AMPH: variants seen among roughly 807,000 people sequenced by gnomAD.
AMPH encodes amphiphysin (Stiff-Mann syndrome with breast cancer 128kD autoantigen).
AMPH carries 49 observed loss-of-function variants against 99.1 expected under a neutral mutation model. The observed-to-expected ratio is 0.49, with a 90% CI of 0.39 to 0.63. The LOEUF is 0.63. Ranked by LOEUF, AMPH falls within the 20% of genes least tolerant of loss-of-function variation. The probability of loss-of-function intolerance (pLI) is 0.00; values close to 1 mark genes in which losing one functional copy is unlikely to be tolerated. For synonymous variants in AMPH, 314 were observed against 317.3 expected (o/e 0.99, Z 0.11); for missense variants, 759 against 863.4 (o/e 0.88, Z 1.52).
chr7:38,391,814 C>T lies in AMPH; in HGVS notation c.1812G>A (p.Gly604=), dbSNP rs55969455. The change falls in exon 19 of 21, where the codon GGG becomes GGA. Residue 604 remains glycine (G), a synonymous_variant. Coordinates refer to ENST00000356264, the MANE Select transcript of AMPH (RefSeq NM_001635.4). ...TTGCAGATGCTAGCTGGTCAGCAGC[C>T]CCCATGGCTGGTGCAGAAGGCGTGG... ...PQPTPSAPAM[G]AADQLASARE... 24,463 of 1,613,852 alleles carry T rather than the reference C, an allele frequency of 0.015. 225 individuals carry two copies. The highest frequency in any genetic ancestry group is 0.018 in the Non-Finnish European group (21,568 of 1,179,974).
intron 1 of AMPH, among the ~76,000 whole-genome samples, chr7:38,623,986 A>T (rs1224769178): frequency 6.6e-6 from 1 of 152,194 alleles, no homozygotes; most frequent in Admixed American, 6.5e-5. Context: ...CATTCCCACC[A>T]TGTATAGAAT....
At chr7:38,428,942 C>T in intron 14 of AMPH, 1 of 1,171,706 alleles carries the variant, frequency 8.5e-7, no homozygotes, top group Non-Finnish European at 1.1e-6. Flanking sequence ...TATGGTCTTC[C>T]TTTCCTATGG....
At chr7:38,501,362 T>C (rs1030235711) in intron 3 of AMPH, among the ~76,000 whole-genome samples, 1 of 152,112 alleles carries the variant, frequency 6.6e-6, no homozygotes, top group Non-Finnish European at 1.5e-5. Context: ...GACTAATTTT[T>C]GTATTTTCAG....
intron 1 of AMPH, among the ~76,000 whole-genome samples, chr7:38,621,945 T>G (rs750993398): frequency 6.6e-6 from 1 of 152,214 alleles, no homozygotes; most frequent in African/African-American, 2.4e-5. Context: ...AGAATGATGT[T>G]TCAGCATTTC....
chr7:38,448,318 A>C (rs1178029664), intron 11 of AMPH, among the ~76,000 whole-genome samples: 1 of 152,210 alleles, frequency 6.6e-6, no homozygotes, highest in East Asian at 1.9e-4. Flanking sequence ...TATTTGTTCC[A>C]CAAAGTTTAT....
At chr7:38,610,260 A>AAAAG (rs1359407169) in intron 1 of AMPH, among the ~76,000 whole-genome samples, 5 of 11,112 alleles carry the variant, frequency 4.5e-4, no homozygotes, top group East Asian at 1.4e-3. Context: ...AAAAAAAAAA[A>AAAAG]AAAGAAAGAA....
chr7:38,408,198 G>A (rs745889890), intron 17 of AMPH, among the ~76,000 whole-genome samples: 7 of 152,120 alleles, frequency 4.6e-5, no homozygotes, highest in African/African-American at 9.7e-5. Context: ...GGAGTTCCAC[G>A]GAAATTCTGA....
intron 14 of AMPH, 85 bp downstream of exon 14, chr7:38,429,757 A>C (rs768675343): frequency 1.4e-6 from 2 of 1,439,422 alleles, no homozygotes; most frequent in African/African-American, 1.4e-5. Context: ...TGCCATGGGG[A>C]AACAGTTCAT....
At chr7:38,571,583 G>T (rs1792040391) in intron 1 of AMPH, among the ~76,000 whole-genome samples, 2 of 142,234 alleles carry the variant, frequency 1.4e-5, no homozygotes, top group African/African-American at 2.6e-5. Flanking sequence ...TTTAAAACTA[G>T]AAAAAAGCTT....
intron 1 of AMPH, among the ~76,000 whole-genome samples, chr7:38,554,721 A>G (rs1041303831): frequency 1.3e-5 from 2 of 152,252 alleles, no homozygotes; most frequent in African/African-American, 4.8e-5. Context: ...TTGCTGAGCT[A>G]GCAGAAAGTC....
rs1463736055 is a variant in AMPH at position 38,470,707 on chromosome 7, T to G, written c.591-4459A>C. ...TCATTACCACCCATATGGTAATGAC[T>G]CCCAAACCTCTCTTCAAGCTTTAGA... On this transcript the variant is annotated intron_variant, in intron 7 of 20. Coordinates refer to ENST00000356264, the MANE Select transcript of AMPH (RefSeq NM_001635.4). 2.0e-5 allele frequency among the ~76,000 whole-genome samples: 3 copies of G among 152,192 alleles called. No individual in the cohort carries two copies. The East Asian group carries it at 5.8e-4, about 29-fold the overall frequency.
chr7:38,464,060 T>A (rs752157467), intron 9 of AMPH: 1 of 1,289,648 alleles, frequency 7.8e-7, no homozygotes, highest in East Asian at 5.5e-5. Flanking sequence ...CAATCTAAGC[T>A]TAATAGAGAT....
rs17171345 is a variant in AMPH at position 38,436,278 on chromosome 7, C to G, written c.1128G>C (p.Met376Ile). 8,071 of 1,613,478 alleles carry G rather than the reference C, an allele frequency of 5.0e-3. 340 individuals carry two copies. In the African/African-American group the frequency reaches 0.091, roughly 18 times the overall value. Residue 376 changes from methionine (M) to isoleucine (I), a missense_variant, in exon 12 of 21, where the codon ATG becomes ATC. By Grantham distance (10) the Met-to-Ile change is conservative. This residue lies in a region of AMPH where 554 missense variants were observed against 575.6 expected (regional missense o/e 0.96). Coordinates refer to ENST00000356264, the MANE Select transcript of AMPH (RefSeq NM_001635.4). ...AGSAGVTHSP[M>I]SQTLPWDLWT... Reference sequence around the variant, plus strand: ...TCCAAAAAGCACCTGATACCTGAGACATGGGTGAGTGGGTCACTCCAGCAG... The same window carrying G: ...TCCAAAAAGCACCTGATACCTGAGAGATGGGTGAGTGGGTCACTCCAGCAG...
intron 1 of AMPH, among the ~76,000 whole-genome samples, chr7:38,578,934 G>T (rs1237306878): frequency 6.6e-6 from 1 of 152,008 alleles, no homozygotes; most frequent in Non-Finnish European, 1.5e-5. Context: ...ATTTACTTCT[G>T]CTTTGAATCT....
chr7:38,419,885 TAAAATGCAAAA>T (rs1261857803), intron 16 of AMPH, among the ~76,000 whole-genome samples: 1 of 152,176 alleles, frequency 6.6e-6, no homozygotes, highest in African/African-American at 2.4e-5. Flanking sequence ...AAAGATATCT[TAAAATGCAAAA>T]AATATTTGCA....
At chr7:38,500,552 CTA>C (rs1789097603) in intron 3 of AMPH, among the ~76,000 whole-genome samples, 1 of 152,256 alleles carries the variant, frequency 6.6e-6, no homozygotes, top group Admixed American at 6.5e-5. Flanking sequence ...ATGCCAGTCT[CTA>C]TAAGCAGCAC....
chr7:38,530,385 T>C (rs1326223378), intron 2 of AMPH, among the ~76,000 whole-genome samples: 1 of 152,180 alleles, frequency 6.6e-6, no homozygotes, highest in African/African-American at 2.4e-5. Context: ...AGTTAGCCTA[T>C]CACTCAGTCG....
At chr7:38,421,951 T>C (rs1785594359) in intron 16 of AMPH, among the ~76,000 whole-genome samples, 1 of 152,226 alleles carries the variant, frequency 6.6e-6, no homozygotes, top group Non-Finnish European at 1.5e-5. Flanking sequence ...TTTCTCTCTC[T>C]TCTCATTTGG....
chr7:38,440,550 G>C (rs1273226736), intron 11 of AMPH, among the ~76,000 whole-genome samples: 1 of 151,844 alleles, frequency 6.6e-6, no homozygotes, highest in Non-Finnish European at 1.5e-5. Context: ...AAGATAATTG[G>C]CTGCTTATAC....
Sources: gnomAD v4.1 joint callset for allele counts (sites outside exome capture counted in the v4.1 genomes callset) on GRCh38, gnomAD v4.1.1 for gene constraint, gnomAD v4.1.1 regional missense constraint, MANE v1.5 for transcripts, NCBI Gene and HGNC (gene_info 2026-07-23, HGNC 2026-07-21) for gene names.